CALY: variants seen among roughly 807,000 people sequenced by gnomAD.
The protein encoded by CALY is calcyon neuron specific vesicular protein, also known as neuron-specific vesicular protein calcyon.
A neutral mutation model predicts 20.2 loss-of-function variants in CALY; 15 were observed. That is an observed-to-expected ratio of 0.74 (90% confidence interval 0.50 to 1.14). The LOEUF (loss-of-function observed/expected upper bound fraction) is 1.14, where lower values mean the gene tolerates loss of function less well. CALY is among the 50% of genes most tolerant of loss of function. The probability of loss-of-function intolerance (pLI) is 0.00; values close to 1 mark genes in which losing one functional copy is unlikely to be tolerated. For synonymous variants in CALY, 129 were observed against 131.8 expected, an observed-to-expected ratio of 0.98 and a Z score of 0.15; for missense variants, 270 against 304.4, an observed-to-expected ratio of 0.89 and a Z score of 0.84.
chr10:133,328,830 C>T, intron 2 of CALY, 25 bp downstream of exon 2: 1 of 1,533,270 alleles, frequency 6.5e-7, no homozygotes, highest in Non-Finnish European at 8.8e-7. Flanking sequence ...CTGAGAAGGG[C>T]CCCCACGCTG....
At chr10:133,333,428 A>G (rs1848352788) in intron 1 of CALY, among the ~76,000 whole-genome samples, 1 of 137,162 alleles carries the variant, frequency 7.3e-6, no homozygotes, top group South Asian at 2.5e-4. Flanking sequence ...ATCTGAAGGG[A>G]AGGGACCCCA....
Position 133,328,948 on chromosome 10 carries a change from T to C in CALY, c.42A>G (p.Lys14=), listed in dbSNP as rs1215269940. 2.6e-6 allele frequency: 4 copies of C among 1,564,048 alleles called. No homozygotes were observed. The highest frequency in any genetic ancestry group is 3.5e-6 in the Non-Finnish European group (4 of 1,153,196). ...CAGCCCCATCCTGGTCCCCAGGGTCTTTACCTGGCTTCCCAGAGAAGCTGC... is the reference window on the plus strand; with the variant it reads ...CAGCCCCATCCTGGTCCCCAGGGTCCTTACCTGGCTTCCCAGAGAAGCTGC... ...LGCSFSGKPG[K]DPGDQDGAAM... Residue 14 remains lysine, a synonymous_variant, in exon 2 of 6, where the codon AAA becomes AAG. Transcript: ENST00000252939.
intron 1 of CALY, among the ~76,000 whole-genome samples, 172 bp from the exon 2 acceptor site, chr10:133,329,181 G>A (rs878987473): frequency 2.6e-5 from 4 of 152,230 alleles, no homozygotes; most frequent in African/African-American, 7.2e-5. Context: ...CAAATCCAGC[G>A]AGATGCTGGG....
At chr10:133,328,336 C>T (rs944303680) in intron 2 of CALY, among the ~76,000 whole-genome samples, 3 of 152,116 alleles carry the variant, frequency 2.0e-5, no homozygotes, top group African/African-American at 7.2e-5. Context: ...GGTCCTCCTG[C>T]CCCGGGTCCC....
chr10:133,324,440 G>T lies in CALY; in HGVS notation c.*1155C>A, dbSNP rs967255589. 4 of 448,928 alleles carry T rather than the reference G, an allele frequency of 8.9e-6. No homozygotes were observed. Among genetic ancestry groups the T allele is most frequent in the East Asian group, 7.1e-5 (1 of 14,008 alleles). The allele number at this position is 448,928 out of a possible 1,614,324, so 27.8% of individuals were successfully genotyped here. On this transcript the variant is annotated 3_prime_UTR_variant, in exon 6 of 6. Coordinates refer to ENST00000252939, the MANE Select transcript of CALY (RefSeq NM_015722.4). ...CAAGCCTGGGAGCCAATGGTGGGGG[G>T]CTTCCATCCACCAATGGTCGGGGGC...
chr10:133,324,889 G>C lies in CALY; in HGVS notation c.*706C>G, dbSNP rs1190997307. On this transcript the variant is annotated 3_prime_UTR_variant, in exon 6 of 6. Transcript: ENST00000252939. ...GGGACACGGGAGACCCCAGCCCCCAGGAACCAGAGCTCACCCCTCATCAGG... is the reference window on the plus strand; with the variant it reads ...GGGACACGGGAGACCCCAGCCCCCACGAACCAGAGCTCACCCCTCATCAGG... The C allele has an allele frequency of 7.3e-6, 2 of 275,106 alleles. No homozygotes were observed. The highest frequency in any genetic ancestry group is 4.7e-5 in the African/African-American group (2 of 42,866). The allele number at this position is 275,106 out of a possible 1,614,324, so 17.0% of individuals were successfully genotyped here. A position where few individuals can be genotyped will look rare whatever the true frequency, so the allele number is the denominator to read the frequency against.
At chr10:133,336,348 C>T (rs1848442485) in intron 1 of CALY, among the ~76,000 whole-genome samples, 1 of 152,160 alleles carries the variant, frequency 6.6e-6, no homozygotes, top group Non-Finnish European at 1.5e-5. Context: ...ACGCAGACGC[C>T]CCCATCAAGC....
chr10:133,329,895 G>GTGAGAAAGA (rs1848275139), intron 1 of CALY, among the ~76,000 whole-genome samples: 1 of 152,264 alleles, frequency 6.6e-6, no homozygotes, highest in Non-Finnish European at 1.5e-5. Context: ...GACGCACGAA[G>GTGAGAAAGA]TGAGAAAGAG....
Position 133,326,096 on chromosome 10 carries a change from G to A in CALY, c.385C>T (p.Leu129=). ...LRHKICTPLT[L]EMYYTEMDPE... is the part of the protein sequence containing the mutation. ...TCCATCTCCGTGTAGTACATCTCCA[G>A]GGTCAGCGGCGTGCAGATCTTGTGC... The change falls in exon 5 of 6, where the codon CTG becomes TTG. Residue 129 remains leucine (L), a synonymous_variant. Coordinates refer to ENST00000252939, the MANE Select transcript of CALY (RefSeq NM_015722.4). 6.3e-7 allele frequency: 1 copy of A among 1,597,588 alleles called. No individual in the cohort carries two copies. The highest frequency in any genetic ancestry group is 1.3e-5 in the African/African-American group (1 of 74,726).
intron 4 of CALY, chr10:133,326,443 C>T: frequency 1.7e-6 from 1 of 573,306 alleles, no homozygotes. Context: ...GATTTTACTT[C>T]TGATAAATAA....
At chr10:133,326,202 G>T (rs1848206772) in intron 4 of CALY, 82 bp from the exon 5 acceptor site, 3 of 1,556,128 alleles carry the variant, frequency 1.9e-6, no homozygotes, top group Non-Finnish European at 2.6e-6. Context: ...TTCTGCGGTT[G>T]GGGACACTGC....
In CALY at chr10:133,328,084, G is replaced by A. The variant is rs555644741; in HGVS notation, c.136-69C>T. On this transcript the variant is annotated intron_variant, in intron 2 of 5. Coordinates refer to ENST00000252939, the MANE Select transcript of CALY (RefSeq NM_015722.4). Reference sequence around the variant, plus strand: ...GACCCAAGAGAGCCCTGAACTGAGAGGGGAGGGAGCCAGCGTCAGCTTCGT... The same window carrying A: ...GACCCAAGAGAGCCCTGAACTGAGAAGGGAGGGAGCCAGCGTCAGCTTCGT... 1.6e-5 allele frequency: 15 copies of A among 933,858 alleles called. No individual in the cohort carries two copies. In the African/African-American group the frequency reaches 2.0e-4, roughly 12 times the overall value. The allele number at this position is 933,858 out of a possible 1,614,324, so 57.8% of individuals were successfully genotyped here. A position where few individuals can be genotyped will look rare whatever the true frequency, so the allele number is the denominator to read the frequency against.
chr10:133,336,544 C>T (rs1163940976), intron 1 of CALY, among the ~76,000 whole-genome samples: 1 of 152,136 alleles, frequency 6.6e-6, no homozygotes, highest in East Asian at 1.9e-4. Flanking sequence ...GGGGCCCCGC[C>T]GTCACGGGAA....
chr10:133,324,776 TGGGGCTGGGGTGGGG>T lies in CALY; in HGVS notation c.*804_*818del, dbSNP rs1327374478. On this transcript the variant is annotated 3_prime_UTR_variant, in exon 6 of 6. Coordinates refer to ENST00000252939, the MANE Select transcript of CALY (RefSeq NM_015722.4). ...GATGCTGGGGCTGGGGTGGGGATGC[TGGGGCTGGGGTGGGG>T]ATGCTGGGGGAGACTCATGGCAGCT... The T allele has an allele frequency of 1.1e-3, 8 of 7,014 alleles. No homozygotes were observed. The highest frequency in any genetic ancestry group is 2.2e-3 in the Non-Finnish European group (8 of 3,698). The allele number at this position is 7,014 out of a possible 1,614,324, so 0.4% of individuals were successfully genotyped here. A position where few individuals can be genotyped will look rare whatever the true frequency, so the allele number is the denominator to read the frequency against.
intron 2 of CALY, among the ~76,000 whole-genome samples, chr10:133,328,389 G>A (rs1371355235): frequency 6.6e-6 from 1 of 152,138 alleles, no homozygotes; most frequent in East Asian, 1.9e-4. Context: ...ACAACTCGGG[G>A]TGCCCTTCAT....
intron 1 of CALY, among the ~76,000 whole-genome samples, chr10:133,336,475 A>G (rs1265041366): frequency 6.7e-6 from 1 of 149,786 alleles, no homozygotes; most frequent in Non-Finnish European, 1.5e-5. Flanking sequence ...GGGAGCTGGG[A>G]CTGGTACCCC....
chr10:133,336,546 T>C (rs542499347), intron 1 of CALY, among the ~76,000 whole-genome samples: 148 of 152,250 alleles, frequency 9.7e-4, no homozygotes, highest in African/African-American at 3.2e-3. Flanking sequence ...GGCCCCGCCG[T>C]CACGGGAAGC....
At chr10:133,329,182 A>G (rs917388268) in intron 1 of CALY, among the ~76,000 whole-genome samples, 173 bp from the exon 2 acceptor site, 1 of 152,194 alleles carries the variant, frequency 6.6e-6, no homozygotes, top group Admixed American at 6.5e-5. Flanking sequence ...AAATCCAGCG[A>G]GATGCTGGGT....
intron 1 of CALY, among the ~76,000 whole-genome samples, chr10:133,335,846 G>A (rs1184912810): frequency 6.6e-6 from 1 of 152,212 alleles, no homozygotes; most frequent in Non-Finnish European, 1.5e-5. Flanking sequence ...CTGGGGCGGG[G>A]AAGGCGTGGG....
Sources: gnomAD v4.1 joint callset for allele counts (sites outside exome capture counted in the v4.1 genomes callset) on GRCh38, gnomAD v4.1.1 for gene constraint, MANE v1.5 for transcripts, NCBI Gene and HGNC (gene_info 2026-07-23, HGNC 2026-07-21) for gene names.